UBE2E2: variants seen among roughly 807,000 people sequenced by gnomAD.
UBE2E2 encodes ubiquitin-conjugating enzyme E2 E2.
A neutral mutation model predicts 24.7 loss-of-function variants in UBE2E2; 6 were observed. The observed-to-expected ratio is 0.24, with a 90% confidence interval of 0.13 to 0.48. UBE2E2 has a LOEUF of 0.48. Ranked by LOEUF, UBE2E2 falls within the 20% of genes least tolerant of loss-of-function variation. The pLI, the probability that UBE2E2 is intolerant of heterozygous loss-of-function variation, is 0.99. For synonymous variants in UBE2E2, 104 were observed against 83.6 expected (o/e 1.24, Z -1.33); for missense variants, 169 against 245.0 (o/e 0.69, Z 2.07).
chr3:23,534,770 C>G (rs988070229), intron 5 of UBE2E2, among the ~76,000 whole-genome samples: 2 of 152,048 alleles, frequency 1.3e-5, no homozygotes, highest in African/African-American at 4.8e-5. Context: ...TGAAGTTTAT[C>G]TTAAATCTAT....
intron 4 of UBE2E2, among the ~76,000 whole-genome samples, chr3:23,509,912 A>C (rs1007640290): frequency 2.6e-5 from 4 of 151,844 alleles, no homozygotes; most frequent in Admixed American, 6.6e-5. Context: ...TGAACTCATC[A>C]TTTTTTATGG....
intron 3 of UBE2E2, among the ~76,000 whole-genome samples, chr3:23,352,396 A>C (rs1337648208): frequency 6.6e-6 from 1 of 152,210 alleles, no homozygotes; most frequent in Non-Finnish European, 1.5e-5. Context: ...AGCAGAACTG[A>C]AGGAAATAGA....
intron 4 of UBE2E2, among the ~76,000 whole-genome samples, chr3:23,521,169 T>C (rs1375474759): frequency 1.3e-5 from 2 of 152,220 alleles, no homozygotes; most frequent in Non-Finnish European, 2.9e-5. Context: ...GTACATTATT[T>C]TCATTTTACA....
At chr3:23,564,124 C>G (rs1447475266) in intron 5 of UBE2E2, among the ~76,000 whole-genome samples, 2 of 151,864 alleles carry the variant, frequency 1.3e-5, no homozygotes, top group South Asian at 2.1e-4. Context: ...GGTACACGTA[C>G]AAATGATACC....
At chr3:23,340,937 G>A (rs1226768755) in intron 3 of UBE2E2, among the ~76,000 whole-genome samples, 1 of 152,106 alleles carries the variant, frequency 6.6e-6, no homozygotes, top group African/African-American at 2.4e-5. Flanking sequence ...CCCCCACCAG[G>A]AATGAGGCAC....
rs71974866 is a variant in UBE2E2 at position 23,407,647 on chromosome 3, ATGTGTGTGTGTG to A, written c.228-91929_228-91918del. ...TGTGTGTTTGTGTGTGCATGCGTGCATGTGTGTGTGTGTGTGTGTGTGTGTGTGTGTGTGTGT... is the reference window on the plus strand; with the variant it reads ...TGTGTGTTTGTGTGTGCATGCGTGCATGTGTGTGTGTGTGTGTGTGTGTGT... On this transcript the variant is annotated intron_variant, in intron 3 of 5. Transcript: ENST00000396703. The surrounding 1 kb of genome is among the most constrained non-coding windows in gnomAD (Gnocchi z 4.0). Among the ~76,000 whole-genome samples the A allele has an allele frequency of 3.5e-4, 49 of 138,112 alleles. No homozygotes were observed. Among genetic ancestry groups the A allele is most frequent in the Middle Eastern group, 3.7e-3 (1 of 270 alleles). 90.6% of individuals were successfully genotyped at this position (138,112 alleles called of 152,430 possible).
At chr3:23,371,993 C>T (rs955295524) in intron 3 of UBE2E2, among the ~76,000 whole-genome samples, 15 of 152,132 alleles carry the variant, frequency 9.9e-5, no homozygotes, top group Admixed American at 3.9e-4. Context: ...TGGTGGACAC[C>T]TGTAATCCCA....
At chr3:23,328,749 C>T (rs1384988583) in intron 3 of UBE2E2, among the ~76,000 whole-genome samples, 1 of 151,724 alleles carries the variant, frequency 6.6e-6, no homozygotes, top group Non-Finnish European at 1.5e-5. Context: ...GCAACCTCTG[C>T]CTCCTAGATT....
At chr3:23,215,109 T>C (rs1310312754) in intron 2 of UBE2E2, among the ~76,000 whole-genome samples, 1 of 152,128 alleles carries the variant, frequency 6.6e-6, no homozygotes, top group Non-Finnish European at 1.5e-5. Flanking sequence ...TTTAAACTTC[T>C]GTTTCTTATT....
intron 5 of UBE2E2, among the ~76,000 whole-genome samples, chr3:23,568,691 A>T (rs978364230): frequency 1.2e-5 from 1 of 81,700 alleles, no homozygotes; most frequent in African/African-American, 5.5e-5. Flanking sequence ...ATACATATAT[A>T]CACACATATA....
chr3:23,503,481 C>T lies in UBE2E2; in HGVS notation c.360+3741C>T, dbSNP rs1261769565. ...GCTGGATTACAACCGTGAGCCACCA[C>T]GCCCGGCCAGAAGTTCCTTTACATT... On this transcript the variant is annotated intron_variant, in intron 4 of 5. Coordinates refer to ENST00000396703, the MANE Select transcript of UBE2E2 (RefSeq NM_152653.4). Among the ~76,000 whole-genome samples the T allele has an allele frequency of 5.3e-5, 8 of 152,130 alleles. 1 individual carries two copies. The highest frequency in any genetic ancestry group is 1.4e-4 in the African/African-American group (6 of 41,542).
At chr3:23,375,259 G>A (rs1341421628) in intron 3 of UBE2E2, among the ~76,000 whole-genome samples, 1 of 152,116 alleles carries the variant, frequency 6.6e-6, no homozygotes, top group Non-Finnish European at 1.5e-5. Context: ...ATTGACCCAT[G>A]GGAATCAAAC....
At chr3:23,328,395 G>A (rs1160066323) in intron 3 of UBE2E2, among the ~76,000 whole-genome samples, 1 of 152,140 alleles carries the variant, frequency 6.6e-6, no homozygotes, top group Non-Finnish European at 1.5e-5. Context: ...TATTCAGTGA[G>A]TTACAGGAAA....
At chr3:23,299,770 G>T (rs1439642377) in intron 3 of UBE2E2, among the ~76,000 whole-genome samples, 1 of 152,098 alleles carries the variant, frequency 6.6e-6, no homozygotes, top group Non-Finnish European at 1.5e-5. Flanking sequence ...GTTGATTTGG[G>T]GTGGAGAGTT....
At chr3:23,353,601 C>A (rs1284304536) in intron 3 of UBE2E2, among the ~76,000 whole-genome samples, 1 of 152,080 alleles carries the variant, frequency 6.6e-6, no homozygotes, top group Non-Finnish European at 1.5e-5. Flanking sequence ...AGCAGACAAA[C>A]AGAGAGCCAA....
At chr3:23,378,173 A>C (rs918020926) in intron 3 of UBE2E2, among the ~76,000 whole-genome samples, 1 of 151,074 alleles carries the variant, frequency 6.6e-6, no homozygotes. Flanking sequence ...TTTTATATAC[A>C]TATCTGAAAA....
intron 5 of UBE2E2, among the ~76,000 whole-genome samples, chr3:23,584,726 G>GTTTTTTTTTTTT (rs1158915900): frequency 2.6e-5 from 3 of 113,504 alleles, no homozygotes; most frequent in African/African-American, 3.7e-5. Context: ...GCTGTTTTTT[G>GTTTTTTTTTTTT]TTTTTTTTTT....
intron 5 of UBE2E2, among the ~76,000 whole-genome samples, chr3:23,579,655 G>T (rs80062220): frequency 6.6e-6 from 1 of 151,332 alleles, no homozygotes; most frequent in Admixed American, 6.6e-5. Flanking sequence ...AACTACGATC[G>T]TACCACTGCA....
chr3:23,211,204 C>G (rs1057474706), intron 2 of UBE2E2, among the ~76,000 whole-genome samples: 4 of 152,040 alleles, frequency 2.6e-5, no homozygotes, highest in Non-Finnish European at 5.9e-5. Context: ...CTAGTGTGTT[C>G]AGAAGATTAA....
Sources: gnomAD v4.1 joint callset for allele counts (sites outside exome capture counted in the v4.1 genomes callset) on GRCh38, gnomAD v4.1.1 for gene constraint, Gnocchi (gnomAD v3.1) non-coding constraint, MANE v1.5 for transcripts, NCBI Gene and HGNC (gene_info 2026-07-23, HGNC 2026-07-21) for gene names.